LRP1B: variants seen among roughly 807,000 people sequenced by gnomAD.
LRP1B encodes low-density lipoprotein receptor-related protein 1B.
In LRP1B, 217 loss-of-function variants were observed where a neutral mutation model predicts 556.6. That is an observed-to-expected ratio of 0.39 (90% CI 0.35 to 0.44). LRP1B has a LOEUF of 0.44. Ranked by LOEUF, LRP1B falls within the 20% of genes least tolerant of loss-of-function variation. The pLI is 1.00. For missense variants in LRP1B, 5,053 were observed against 5,620.8 expected (o/e 0.90, Z 3.23); for synonymous variants, 2,047 against 1,865.8 (o/e 1.10, Z -2.50).
chr2:142,086,384 C>T (rs1227145986), intron 1 of LRP1B, among the ~76,000 whole-genome samples: 1 of 152,154 alleles, frequency 6.6e-6, no homozygotes, highest in Non-Finnish European at 1.5e-5. Context: ...CCGAGGTGGA[C>T]GGATCACGAG....
intron 18 of LRP1B, among the ~76,000 whole-genome samples, chr2:140,970,951 G>C (rs536626089): frequency 6.6e-6 from 1 of 151,914 alleles, no homozygotes; most frequent in African/African-American, 2.4e-5. Flanking sequence ...TCGTTGCCCA[G>C]GCTGGCCTCA....
chr2:140,772,246 C>A (rs374302896), intron 33 of LRP1B, among the ~76,000 whole-genome samples: 2 of 144,500 alleles, frequency 1.4e-5, no homozygotes, highest in African/African-American at 4.9e-5. Context: ...AATTTTGTTT[C>A]TCTCATTTAT....
At chr2:141,713,425 C>G (rs982748200) in intron 2 of LRP1B, among the ~76,000 whole-genome samples, 2 of 152,164 alleles carry the variant, frequency 1.3e-5, no homozygotes, top group Admixed American at 6.5e-5. Context: ...ATGAACACTC[C>G]TTTAAATACT....
intron 1 of LRP1B, among the ~76,000 whole-genome samples, chr2:141,992,777 A>G (rs539721079): frequency 6.6e-6 from 1 of 152,090 alleles, no homozygotes; most frequent in East Asian, 1.9e-4. Context: ...CCTTCTCTTC[A>G]TTTTCCTCCA....
intron 18 of LRP1B, among the ~76,000 whole-genome samples, chr2:140,970,530 C>A (rs1488051978): frequency 1.3e-5 from 2 of 152,008 alleles, no homozygotes; most frequent in Non-Finnish European, 2.9e-5. Context: ...ACTCGTCAGT[C>A]ATTCTCCATC....
At chr2:140,344,788 G>A (rs1194443293) in intron 77 of LRP1B, among the ~76,000 whole-genome samples, 1 of 151,680 alleles carries the variant, frequency 6.6e-6, no homozygotes, top group Non-Finnish European at 1.5e-5. Flanking sequence ...AACTATGTGA[G>A]CTCAACAAGG....
intron 1 of LRP1B, among the ~76,000 whole-genome samples, chr2:142,118,425 G>A (rs543164313): frequency 3.9e-5 from 6 of 152,166 alleles, no homozygotes; most frequent in South Asian, 2.1e-4. Flanking sequence ...ATCTGAATAC[G>A]CTTTGGTTAC....
rs539385495 is a variant in LRP1B at position 140,998,434 on chromosome 2, G to GT, written c.2504-4300dup. On this transcript the variant is annotated intron_variant, in intron 15 of 90. Coordinates refer to ENST00000389484, the MANE Select transcript of LRP1B (RefSeq NM_018557.3). ...TTCATTTATTAATATTCTATATTGT[G>GT]TTTTTTTCCCACAAACATGTTGAGA... 1.8e-3 allele frequency among the ~76,000 whole-genome samples: 278 copies of GT among 152,018 alleles called. 1 individual carries two copies. Among genetic ancestry groups the GT allele is most frequent in the African/African-American group, 6.4e-3 (264 of 41,492 alleles).
chr2:141,315,306 G>GTGGA, intron 3 of LRP1B, among the ~76,000 whole-genome samples: 1 of 135,294 alleles, frequency 7.4e-6, no homozygotes, highest in Non-Finnish European at 1.5e-5. Context: ...GTCGCCCAGG[G>GTGGA]TGGAGTGCAG....
At chr2:141,573,396 T>A (rs994787643) in intron 2 of LRP1B, among the ~76,000 whole-genome samples, 1 of 151,978 alleles carries the variant, frequency 6.6e-6, no homozygotes, top group Admixed American at 6.6e-5. Flanking sequence ...TTGAAACCAA[T>A]GAGCATAAAG....
chr2:140,572,956 C>T lies in LRP1B; in HGVS notation c.7194+25675G>A, dbSNP rs771077184. The stretch of plus-strand genomic sequence containing the variant: ...ACTCATGTGTAGAAGCTAAAAACAT[C>T]GATCCCATAGTAGAGAATGGAATAG... On this transcript the variant is annotated intron_variant, in intron 43 of 90. Coordinates refer to ENST00000389484, the MANE Select transcript of LRP1B (RefSeq NM_018557.3). Among the ~76,000 whole-genome samples, 10 of 151,738 alleles carry T rather than the reference C, an allele frequency of 6.6e-5. No individual in the cohort carries two copies. The South Asian group carries it at 1.2e-3, about 19-fold the overall frequency.
intron 3 of LRP1B, among the ~76,000 whole-genome samples, chr2:141,284,403 T>A (rs1685626645): frequency 6.6e-6 from 1 of 152,176 alleles, no homozygotes; most frequent in African/African-American, 2.4e-5. Context: ...AAAGAAAGAT[T>A]GGAAATACGT....
chr2:140,320,471 G>A (rs185669119), intron 82 of LRP1B, among the ~76,000 whole-genome samples: 6 of 152,210 alleles, frequency 3.9e-5, no homozygotes, highest in African/African-American at 1.2e-4. Context: ...CAGAGTCCAC[G>A]TGAGGAGTGC....
chr2:141,049,945 G>T (rs1264771310), intron 10 of LRP1B, among the ~76,000 whole-genome samples: 6 of 151,938 alleles, frequency 3.9e-5, no homozygotes, highest in African/African-American at 1.4e-4. Context: ...CATCAAGGTA[G>T]CTCTTTCTAT....
chr2:140,571,206 C>T (rs943608961), intron 43 of LRP1B, among the ~76,000 whole-genome samples: 1 of 151,622 alleles, frequency 6.6e-6, no homozygotes, highest in African/African-American at 2.4e-5. Context: ...AAATTGGAAA[C>T]GGGAATGTCA....
intron 1 of LRP1B, among the ~76,000 whole-genome samples, chr2:142,012,851 C>A (rs529649272): frequency 6.6e-6 from 1 of 152,056 alleles, no homozygotes. Flanking sequence ...GTGTAAGATG[C>A]GATGTGGTCA....
At chr2:141,555,104 A>C (rs1685913784) in intron 2 of LRP1B, among the ~76,000 whole-genome samples, 1 of 152,020 alleles carries the variant, frequency 6.6e-6, no homozygotes, top group African/African-American at 2.4e-5. Context: ...AGGACTGGAA[A>C]TGGACAGAAT....
At chr2:141,523,438 G>T (rs1284783822) in intron 2 of LRP1B, among the ~76,000 whole-genome samples, 1 of 151,990 alleles carries the variant, frequency 6.6e-6, no homozygotes, top group South Asian at 2.1e-4. Flanking sequence ...AATAATGAAA[G>T]TAATTGCCAA....
chr2:141,671,800 A>G (rs1317990049), intron 2 of LRP1B, among the ~76,000 whole-genome samples: 13 of 150,776 alleles, frequency 8.6e-5, no homozygotes, highest in Non-Finnish European at 1.6e-4. Context: ...GCAAACATAC[A>G]AATCCTTTCT....
Sources: allele counts gnomAD v4.1 joint callset (sites outside exome capture counted in the v4.1 genomes callset), GRCh38; gene constraint gnomAD v4.1.1; transcripts MANE v1.5; gene names NCBI Gene and HGNC (gene_info 2026-07-23, HGNC 2026-07-21).